Variants in DPYSL2 observed in about 807,000 individuals in gnomAD.
The protein encoded by DPYSL2 is dihydropyrimidinase-related protein 2.
Under a neutral mutation model 69.9 loss-of-function variants are expected in DPYSL2, and 13 were observed. That is an observed-to-expected ratio of 0.19 (90% CI 0.12 to 0.30). The LOEUF (loss-of-function observed/expected upper bound fraction) is 0.30, where lower values mean the gene tolerates loss of function less well. Ranked by LOEUF, DPYSL2 falls within the 10% of genes least tolerant of loss-of-function variation. The probability of loss-of-function intolerance (pLI) is 1.00; values close to 1 mark genes in which losing one functional copy is unlikely to be tolerated. For synonymous variants in DPYSL2, 326 were observed against 359.1 expected (o/e 0.91, Z 1.04); for missense variants, 587 against 918.9 (o/e 0.64, Z 4.67).
chr8:26,582,123 C>T lies in DPYSL2; in HGVS notation c.443+66C>T. On this transcript the variant is annotated intron_variant, in intron 2 of 13. Coordinates refer to ENST00000521913, the MANE Select transcript of DPYSL2 (RefSeq NM_001197293.3). This position sits in a 1 kb window ranked among gnomAD's most constrained non-coding sequence, Gnocchi z 4.1. ...TCCAGACTTCCCAAGTATTAGATACCATTCGCATCCAAAGTATCAAACTTC... is the reference window on the plus strand; with the variant it reads ...TCCAGACTTCCCAAGTATTAGATACTATTCGCATCCAAAGTATCAAACTTC... The T allele has an allele frequency of 7.9e-7, 1 of 1,263,748 alleles. No homozygotes were observed. The highest frequency in any genetic ancestry group is 2.3e-5 in the East Asian group (1 of 42,858). 78.3% of individuals were successfully genotyped at this position (1,263,748 alleles called of 1,614,324 possible). A position where few individuals can be genotyped will look rare whatever the true frequency, so the allele number is the denominator to read the frequency against.
At chr8:26,558,925 T>C (rs1016431321) in intron 1 of DPYSL2, among the ~76,000 whole-genome samples, 1 of 152,226 alleles carries the variant, frequency 6.6e-6, no homozygotes, top group African/African-American at 2.4e-5. Flanking sequence ...TTGTTTTTAC[T>C]ATTTTTAAAA....
intron 1 of DPYSL2, among the ~76,000 whole-genome samples, chr8:26,522,316 C>T (rs982151355): frequency 7.1e-5 from 6 of 84,776 alleles, no homozygotes; most frequent in African/African-American, 2.0e-4. Flanking sequence ...TCAAAACAAA[C>T]AAACAAACAA....
chr8:26,609,503 TA>T lies in DPYSL2; in HGVS notation c.629-14639del, dbSNP rs1489436491. On this transcript the variant is annotated intron_variant, in intron 3 of 13. Transcript: ENST00000521913. This position sits in a 1 kb window ranked among gnomAD's most constrained non-coding sequence, Gnocchi z 6.5. ...ACGTGGAAGCTTGTGGCGTGACTGT[TA>T]TTTTTTTGTGATGTTCTGTACAGCC... Among the ~76,000 whole-genome samples the T allele has an allele frequency of 1.3e-5, 2 of 152,238 alleles. No homozygotes were observed. The highest frequency in any genetic ancestry group is 6.5e-5 in the Admixed American group (1 of 15,278).
chr8:26,544,003 T>C (rs987945396), intron 1 of DPYSL2, among the ~76,000 whole-genome samples: 1 of 152,150 alleles, frequency 6.6e-6, no homozygotes, highest in Non-Finnish European at 1.5e-5. Flanking sequence ...CCTACTTCTG[T>C]CAACCCAATG....
At chr8:26,521,218 G>T (rs1184311722) in intron 1 of DPYSL2, among the ~76,000 whole-genome samples, 1 of 152,236 alleles carries the variant, frequency 6.6e-6, no homozygotes, top group Non-Finnish European at 1.5e-5. Flanking sequence ...TTACGTGCAA[G>T]TGCCTGGTCT....
rs1382271023 is a variant in DPYSL2, at chr8:26,652,383, C to T, written c.1723C>T (p.Pro575Ser). ...CACCGAAGGCTCTGGACGCTACATT[C>T]CCCGGAAGCCCTTCCCTGATTTTGT... is the stretch of plus-strand genomic sequence containing the variant. ...HVTEGSGRYI[P>S]RKPFPDFVYK... Residue 575 changes from proline to serine, a missense_variant, in exon 12 of 14, where the codon CCC becomes TCC. This residue lies in a region of DPYSL2 where 452 missense variants were observed against 754.3 expected (regional missense o/e 0.60). Coordinates refer to ENST00000521913, the MANE Select transcript of DPYSL2 (RefSeq NM_001197293.3). This position sits in a 1 kb window ranked among gnomAD's most constrained non-coding sequence, Gnocchi z 6.3. 6 of 1,614,158 alleles carry T rather than the reference C, an allele frequency of 3.7e-6. No individual in the cohort carries two copies. The highest frequency in any genetic ancestry group is 5.1e-6 in the Non-Finnish European group (6 of 1,180,008).
rs764273577 is a variant in DPYSL2, at chr8:26,655,623, A to T, written c.1951A>T (p.Ile651Phe). ...QSGFSLSGAQ[I>F]DDNIPRRTTQ... Reference sequence around the variant, plus strand: ...TTCTCCTCTCCCTCCAGGTGCTCAGATTGATGACAACATTCCCCGCCGCAC... The same window carrying T: ...TTCTCCTCTCCCTCCAGGTGCTCAGTTTGATGACAACATTCCCCGCCGCAC... Residue 651 changes from isoleucine (I) to phenylalanine (F), a missense_variant, in exon 14 of 14, where the codon ATT becomes TTT. Coordinates refer to ENST00000521913, the MANE Select transcript of DPYSL2 (RefSeq NM_001197293.3). The T allele has an allele frequency of 6.2e-6, 10 of 1,608,460 alleles. No individual in the cohort carries two copies. Among genetic ancestry groups the T allele is most frequent in the Non-Finnish European group, 6.8e-6 (8 of 1,177,228 alleles).
intron 10 of DPYSL2, among the ~76,000 whole-genome samples, chr8:26,645,216 T>C (rs796241927): frequency 9.9e-5 from 15 of 152,140 alleles, no homozygotes; most frequent in African/African-American, 3.6e-4. Context: ...TCTGGCAACA[T>C]GGCAAAACCC....
chr8:26,567,630 T>C (rs537831251), intron 1 of DPYSL2, among the ~76,000 whole-genome samples: 1 of 151,968 alleles, frequency 6.6e-6, no homozygotes, highest in South Asian at 2.1e-4. Context: ...AGAGAAGGAG[T>C]GGTCAGCTGG....
At chr8:26,615,360 G>A (rs117572051) in intron 3 of DPYSL2, among the ~76,000 whole-genome samples, 51 of 152,148 alleles carry the variant, frequency 3.4e-4, no homozygotes, top group African/African-American at 9.7e-4. Context: ...TTTCACTGGC[G>A]TGTGCTAACC....
intron 1 of DPYSL2, among the ~76,000 whole-genome samples, chr8:26,538,561 G>A (rs1258875350): frequency 6.6e-6 from 1 of 152,144 alleles, no homozygotes; most frequent in Non-Finnish European, 1.5e-5. Context: ...CAGTGATGTT[G>A]AGCCCGTGTA....
rs368598847 is a variant in DPYSL2 at position 26,562,536 on chromosome 8, G to A, written c.355-19433G>A. Among the ~76,000 whole-genome samples, 27 of 152,254 alleles carry A rather than the reference G, an allele frequency of 1.8e-4. No individual in the cohort carries two copies. In the East Asian group the frequency reaches 4.3e-3, roughly 24 times the overall value. On this transcript the variant is annotated intron_variant, in intron 1 of 13. Transcript: ENST00000521913. The surrounding 1 kb of genome is among the most constrained non-coding windows in gnomAD (Gnocchi z 4.9). ...ATATAAAAAGTATTGGTCAGATTTT[G>A]TTGTTCCCGATTAGAATGCTTAAAT...
At chr8:26,529,964 T>C (rs1800477541) in intron 1 of DPYSL2, among the ~76,000 whole-genome samples, 1 of 151,290 alleles carries the variant, frequency 6.6e-6, no homozygotes, top group Non-Finnish European at 1.5e-5. Context: ...TACAAAAAAC[T>C]AGCTGGGCAT....
At position 26,624,937 on chromosome 8, in the gene DPYSL2, G is replaced by T. The variant is rs557311513; in HGVS notation, c.793+630G>T. On this transcript the variant is annotated intron_variant, in intron 4 of 13. Coordinates refer to ENST00000521913, the MANE Select transcript of DPYSL2 (RefSeq NM_001197293.3). The surrounding 1 kb of genome is among the most constrained non-coding windows in gnomAD (Gnocchi z 4.7). ...TCGGGGGTTTGCGGGGAAGAGCCAG[G>T]CCACATCATCTTCCTGGGTCTCGCT... 9.2e-5 allele frequency among the ~76,000 whole-genome samples: 14 copies of T among 152,222 alleles called. No homozygotes were observed. The highest frequency in any genetic ancestry group is 2.1e-4 in the Non-Finnish European group (14 of 68,010).
intron 1 of DPYSL2, among the ~76,000 whole-genome samples, chr8:26,540,899 T>G (rs1247618172): frequency 7.4e-5 from 9 of 122,292 alleles, no homozygotes; most frequent in Non-Finnish European, 1.8e-5. Context: ...AGTGAGACTC[T>G]GTCTCAAAAA....
intron 3 of DPYSL2, among the ~76,000 whole-genome samples, chr8:26,616,626 G>C (rs894289601): frequency 3.3e-5 from 5 of 152,240 alleles, no homozygotes; most frequent in Middle Eastern, 6.3e-3. Flanking sequence ...GGGAGCAGGG[G>C]AAGGTGTGTG....
rs1801047690 is a variant in DPYSL2, at chr8:26,560,029, T to C, written c.355-21940T>C. 6.6e-6 allele frequency among the ~76,000 whole-genome samples: 1 copy of C among 152,196 alleles called. No individual in the cohort carries two copies. On this transcript the variant is annotated intron_variant, in intron 1 of 13. Transcript: ENST00000521913. This position sits in a 1 kb window ranked among gnomAD's most constrained non-coding sequence, Gnocchi z 4.4. ...TTGCACAAAAGTCCTTCCTCCACTT[T>C]CCTTTGCCTCACATCCCAGCTCTGC...
At position 26,517,250 on chromosome 8, in the gene DPYSL2, C is replaced by T. The variant is rs886487558; in HGVS notation, c.354+2571C>T. Among the ~76,000 whole-genome samples the T allele has an allele frequency of 6.6e-6, 1 of 152,198 alleles. No individual in the cohort carries two copies. The highest frequency in any genetic ancestry group is 2.4e-5 in the African/African-American group (1 of 41,448). ...AGGGAGAGAATAGGCTTCCTTGACC[C>T]ACATGCCACATGGCTCATGGAAGAT... On this transcript the variant is annotated intron_variant, in intron 1 of 13. Transcript: ENST00000521913. The surrounding 1 kb of genome is among the most constrained non-coding windows in gnomAD (Gnocchi z 4.2).
At chr8:26,590,866 G>A (rs1801710596) in intron 3 of DPYSL2, among the ~76,000 whole-genome samples, 1 of 152,262 alleles carries the variant, frequency 6.6e-6, no homozygotes, top group Non-Finnish European at 1.5e-5. Flanking sequence ...TGCTTTTCTT[G>A]TGAAGGGAGT....
Sources: gnomAD v4.1 joint callset for allele counts (sites outside exome capture counted in the v4.1 genomes callset) on GRCh38, gnomAD v4.1.1 for gene constraint, gnomAD v4.1.1 regional missense constraint, Gnocchi (gnomAD v3.1) non-coding constraint, MANE v1.5 for transcripts, NCBI Gene and HGNC (gene_info 2026-07-23, HGNC 2026-07-21) for gene names.